The following PLEKHA7 variants were observed in gnomAD, a reference collection of about 807,000 sequenced individuals.
The protein encoded by PLEKHA7 is pleckstrin homology domain containing A7.
Under a neutral mutation model 170.0 loss-of-function variants are expected in PLEKHA7, and 104 were observed. The observed-to-expected ratio is 0.61, with a 90% CI of 0.52 to 0.72. The LOEUF (loss-of-function observed/expected upper bound fraction) is 0.72, where lower values mean the gene tolerates loss of function less well. PLEKHA7 is among the 30% of genes least tolerant of loss of function. The probability of loss-of-function intolerance (pLI) is 0.00; values close to 1 mark genes in which losing one functional copy is unlikely to be tolerated. For missense variants in PLEKHA7, 1,615 were observed against 1,671.7 expected (o/e 0.97, Z 0.59); for synonymous variants, 648 against 660.8 (o/e 0.98, Z 0.30).
At chr11:16,894,502 G>A (rs1182161381) in intron 3 of PLEKHA7, among the ~76,000 whole-genome samples, 9 of 152,222 alleles carry the variant, frequency 5.9e-5, no homozygotes, top group South Asian at 2.1e-4. Flanking sequence ...CAGGATGCAA[G>A]GCAAGATGGC....
intron 4 of PLEKHA7, among the ~76,000 whole-genome samples, chr11:16,865,471 C>G (rs1268512201): frequency 6.6e-6 from 1 of 152,172 alleles, no homozygotes; most frequent in East Asian, 1.9e-4. Flanking sequence ...TGCCTATAAT[C>G]CCAGCGCTTT....
intron 3 of PLEKHA7, among the ~76,000 whole-genome samples, chr11:16,897,772 C>T (rs1011975380): frequency 6.6e-6 from 1 of 152,166 alleles, no homozygotes; most frequent in African/African-American, 2.4e-5. Context: ...CTCTAACTAG[C>T]TGCAGCGGAG....
chr11:16,858,001 G>A (rs1590362483), intron 4 of PLEKHA7, among the ~76,000 whole-genome samples: 2 of 152,208 alleles, frequency 1.3e-5, no homozygotes, highest in South Asian at 4.1e-4. Flanking sequence ...TTACAGGTGT[G>A]AGCCACAGCA....
At chr11:16,873,630 G>A (rs1384073125) in intron 3 of PLEKHA7, among the ~76,000 whole-genome samples, 3 of 152,180 alleles carry the variant, frequency 2.0e-5, no homozygotes, top group African/African-American at 7.2e-5. Context: ...AAAAATCCTT[G>A]CACCACGTTC....
At chr11:16,811,804 G>C (rs1849391981) in intron 13 of PLEKHA7, among the ~76,000 whole-genome samples, 1 of 152,126 alleles carries the variant, frequency 6.6e-6, no homozygotes, top group Admixed American at 6.5e-5. Flanking sequence ...CAGCCTGCAT[G>C]ACCTAGTGCC....
intron 3 of PLEKHA7, among the ~76,000 whole-genome samples, chr11:16,936,285 C>T (rs1860285870): frequency 6.6e-6 from 1 of 150,906 alleles, no homozygotes; most frequent in Non-Finnish European, 1.5e-5. Context: ...GCCTGTAATC[C>T]CAGCTACTCG....
intron 8 of PLEKHA7, among the ~76,000 whole-genome samples, chr11:16,844,114 C>T (rs1291917512): frequency 1.3e-5 from 2 of 152,134 alleles, no homozygotes; most frequent in Non-Finnish European, 2.9e-5. Context: ...GCCTATCCCA[C>T]TAGATACAAG....
intron 9 of PLEKHA7, among the ~76,000 whole-genome samples, chr11:16,832,667 G>C (rs1418593087): frequency 6.6e-6 from 1 of 152,160 alleles, no homozygotes; most frequent in African/African-American, 2.4e-5. Flanking sequence ...ACAGCTTGTA[G>C]GGGCTTGATT....
chr11:16,921,807 T>G (rs1239972899), intron 3 of PLEKHA7, among the ~76,000 whole-genome samples: 2 of 152,242 alleles, frequency 1.3e-5, no homozygotes, highest in African/African-American at 4.8e-5. Flanking sequence ...GTTGTCCTGT[T>G]TGAGCATAAG....
At chr11:16,844,167 G>C (rs1415811448) in intron 8 of PLEKHA7, among the ~76,000 whole-genome samples, 2 of 152,158 alleles carry the variant, frequency 1.3e-5, no homozygotes, top group Admixed American at 1.3e-4. Flanking sequence ...ACAGATCCCT[G>C]CTGTACAAAA....
intron 3 of PLEKHA7, among the ~76,000 whole-genome samples, chr11:16,872,355 T>A (rs1160625482): frequency 6.6e-6 from 1 of 152,134 alleles, no homozygotes; most frequent in Non-Finnish European, 1.5e-5. Flanking sequence ...CCTTCCAAGT[T>A]TTAAATTTTC....
intron 17 of PLEKHA7, among the ~76,000 whole-genome samples, chr11:16,800,270 C>T (rs1477613678): frequency 6.6e-6 from 1 of 152,180 alleles, no homozygotes; most frequent in Non-Finnish European, 1.5e-5. Flanking sequence ...TGGTTAAGCA[C>T]CACAGTGGGG....
chr11:16,944,921 A>G (rs1860930567), intron 3 of PLEKHA7, among the ~76,000 whole-genome samples: 1 of 152,206 alleles, frequency 6.6e-6, no homozygotes, highest in Non-Finnish European at 1.5e-5. Context: ...AGCCTTAACC[A>G]ACTCACAGAT....
At chr11:16,800,208 A>G (rs1218610183) in intron 17 of PLEKHA7, among the ~76,000 whole-genome samples, 2 of 152,162 alleles carry the variant, frequency 1.3e-5, no homozygotes, top group African/African-American at 2.4e-5. Flanking sequence ...GTCAGGGGAG[A>G]AAAAAACAGG....
intron 3 of PLEKHA7, among the ~76,000 whole-genome samples, chr11:16,957,969 C>T (rs1203647314): frequency 6.6e-6 from 1 of 151,896 alleles, no homozygotes; most frequent in Non-Finnish European, 1.5e-5. Context: ...TCCCAAAGTG[C>T]TGGGATTACA....
chr11:16,798,848 C>G (rs1332775753), intron 17 of PLEKHA7, among the ~76,000 whole-genome samples: 1 of 152,128 alleles, frequency 6.6e-6, no homozygotes, highest in Non-Finnish European at 1.5e-5. Flanking sequence ...GGCAGTTACA[C>G]AAATCCTTAT....
At chr11:16,781,615 C>T (rs779738849) in intron 26 of PLEKHA7, among the ~76,000 whole-genome samples, 1 of 152,194 alleles carries the variant, frequency 6.6e-6, no homozygotes, top group Non-Finnish European at 1.5e-5. Flanking sequence ...CTCGAAGGGA[C>T]AGAGGACAGC....
At chr11:16,780,768 A>T (rs1282467038) in intron 26 of PLEKHA7, among the ~76,000 whole-genome samples, 2 of 152,136 alleles carry the variant, frequency 1.3e-5, no homozygotes, top group African/African-American at 4.8e-5. Context: ...CCTAAAAAGC[A>T]TCACTTTCCC....
chr11:17,014,232 C>G, intron 1 of PLEKHA7, 31 bp from the exon 2 acceptor site: 1 of 1,445,702 alleles, frequency 6.9e-7, no homozygotes, highest in Non-Finnish European at 9.0e-7. Context: ...CTGTTAGCGC[C>G]GCCACAGCCC....
Sources: gnomAD v4.1 joint callset for allele counts (sites outside exome capture counted in the v4.1 genomes callset) on GRCh38, gnomAD v4.1.1 for gene constraint, MANE v1.5 for transcripts, NCBI Gene and HGNC (gene_info 2026-07-23, HGNC 2026-07-21) for gene names.